The following MYO3A variants were observed in gnomAD, a reference collection of about 807,000 sequenced individuals.
The protein encoded by MYO3A is myosin-IIIa.
A neutral mutation model predicts 192.7 loss-of-function variants in MYO3A; 180 were observed. That is an observed-to-expected ratio of 0.93 (90% CI 0.83 to 1.06). The LOEUF (loss-of-function observed/expected upper bound fraction) is 1.06. MYO3A is among the 50% of genes least tolerant of loss of function. The probability of loss-of-function intolerance (pLI) is 0.00; values close to 1 mark genes in which losing one functional copy is unlikely to be tolerated. For synonymous variants in MYO3A, 628 were observed against 645.3 expected (o/e 0.97, Z 0.41); for missense variants, 1,896 against 1,905.0 (o/e 1.00, Z 0.09).
intron 4 of MYO3A, among the ~76,000 whole-genome samples, chr10:25,992,601 A>T (rs1419421119): frequency 6.6e-6 from 1 of 152,132 alleles, no homozygotes; most frequent in Admixed American, 6.6e-5. Flanking sequence ...TTTCAAAGGG[A>T]ATGCTTCCAG....
chr10:25,964,921 A>G (rs1838166942), intron 4 of MYO3A, among the ~76,000 whole-genome samples: 1 of 152,146 alleles, frequency 6.6e-6, no homozygotes, highest in African/African-American at 2.4e-5. Context: ...TAAATATGTC[A>G]TGCCACTCTC....
At chr10:25,947,039 C>T (rs897356043) in intron 2 of MYO3A, among the ~76,000 whole-genome samples, 4 of 151,800 alleles carry the variant, frequency 2.6e-5, no homozygotes, top group Non-Finnish European at 4.4e-5. Flanking sequence ...CTATCTTGAA[C>T]TCTCATAATG....
chr10:25,944,353 G>T, intron 2 of MYO3A, among the ~76,000 whole-genome samples: 1 of 151,926 alleles, frequency 6.6e-6, no homozygotes, highest in Admixed American at 6.5e-5. Context: ...TTCATCTCCA[G>T]TTTTATTCTC....
At chr10:25,974,444 A>G (rs1171385239) in intron 4 of MYO3A, among the ~76,000 whole-genome samples, 1 of 152,120 alleles carries the variant, frequency 6.6e-6, no homozygotes, top group Non-Finnish European at 1.5e-5. Context: ...ATTTTCCCAC[A>G]CTGTCTCCCA....
At chr10:26,166,297 A>C (rs1841747196) in intron 27 of MYO3A, 119 bp downstream of exon 27, 1 of 879,012 alleles carries the variant, frequency 1.1e-6, no homozygotes, top group Admixed American at 2.0e-5. Flanking sequence ...TATAACTTAC[A>C]ATAGAGGAAG....
chr10:26,095,185 A>G (rs972255552), intron 15 of MYO3A, among the ~76,000 whole-genome samples: 15 of 152,166 alleles, frequency 9.9e-5, no homozygotes, highest in African/African-American at 3.4e-4. Context: ...CTATGGTGGC[A>G]TCCAAAGCTT....
At chr10:26,172,182 G>T (rs1480662104) in intron 29 of MYO3A, among the ~76,000 whole-genome samples, 1 of 152,212 alleles carries the variant, frequency 6.6e-6, no homozygotes, top group Non-Finnish European at 1.5e-5. Flanking sequence ...GAGATCTGCG[G>T]GCCAGCACTC....
chr10:25,991,564 T>C (rs1430618849), intron 4 of MYO3A, among the ~76,000 whole-genome samples: 2 of 152,134 alleles, frequency 1.3e-5, no homozygotes, highest in African/African-American at 4.8e-5. Flanking sequence ...TTGCTTTTGG[T>C]GTTTTAGACA....
intron 10 of MYO3A, among the ~76,000 whole-genome samples, chr10:26,038,242 G>A: frequency 6.6e-6 from 1 of 152,176 alleles, no homozygotes; most frequent in East Asian, 1.9e-4. Context: ...TGTGAAGAAT[G>A]TCATTGATAT....
At chr10:25,936,213 C>T (rs933310214) in intron 2 of MYO3A, among the ~76,000 whole-genome samples, 2 of 151,740 alleles carry the variant, frequency 1.3e-5, no homozygotes, top group African/African-American at 2.4e-5. Context: ...TGTCCTTTTT[C>T]GACTGCATCT....
Position 25,949,737 on chromosome 10 carries a change from A to G in MYO3A, c.-17-2357A>G, listed in dbSNP as rs899612477. 2.1e-3 allele frequency among the ~76,000 whole-genome samples: 312 copies of G among 152,188 alleles called. 1 individual carries two copies. Among genetic ancestry groups the G allele is most frequent in the African/African-American group, 7.2e-3 (298 of 41,544 alleles). On this transcript the variant is annotated intron_variant, in intron 2 of 34. Transcript: ENST00000642920. Reference sequence around the variant, plus strand: ...GCTCTTTATTGTGTTTTGGATTTTCACGTTCTTTTCAGTTCTCCCTAAACC... The same window carrying G: ...GCTCTTTATTGTGTTTTGGATTTTCGCGTTCTTTTCAGTTCTCCCTAAACC...
chr10:26,100,539 T>C lies in MYO3A; in HGVS notation c.1776+3857T>C, dbSNP rs537615627. Among the ~76,000 whole-genome samples the C allele has an allele frequency of 5.9e-5, 9 of 152,340 alleles. No individual in the cohort carries two copies. In the East Asian group the frequency reaches 7.7e-4, roughly 13 times the overall value. ...TCTTTCCTGCTTTCTTTTGTGGGCA[T>C]TTAGTGCTATAAATTTCCCTCTACA... On this transcript the variant is annotated intron_variant, in intron 17 of 34. Coordinates refer to ENST00000642920, the MANE Select transcript of MYO3A (RefSeq NM_017433.5).
chr10:26,207,839 A>C (rs1205616267), intron 34 of MYO3A, among the ~76,000 whole-genome samples: 1 of 152,212 alleles, frequency 6.6e-6, no homozygotes, highest in African/African-American at 2.4e-5. Flanking sequence ...TAGAGATTCC[A>C]TTGAATCTGT....
At chr10:26,136,144 G>A (rs539653721) in intron 20 of MYO3A, among the ~76,000 whole-genome samples, 1 of 152,232 alleles carries the variant, frequency 6.6e-6, no homozygotes, top group South Asian at 2.1e-4. Context: ...AAACCCAGGT[G>A]AATTGCCAGT....
chr10:26,099,299 G>A (rs551969127), intron 17 of MYO3A, among the ~76,000 whole-genome samples: 1 of 152,210 alleles, frequency 6.6e-6, no homozygotes, highest in African/African-American at 2.4e-5. Flanking sequence ...ATCAGCTTAA[G>A]CAGATTTTGG....
intron 10 of MYO3A, among the ~76,000 whole-genome samples, chr10:26,035,045 A>G (rs1467349002): frequency 6.6e-6 from 1 of 152,062 alleles, no homozygotes. Context: ...TGTCCCTGTC[A>G]GTGCTAGAAG....
chr10:26,047,970 A>G (rs971653244), intron 10 of MYO3A, among the ~76,000 whole-genome samples: 2 of 152,150 alleles, frequency 1.3e-5, no homozygotes, highest in South Asian at 4.1e-4. Flanking sequence ...CACATTTTTA[A>G]TACTCTAAAT....
intron 30 of MYO3A, among the ~76,000 whole-genome samples, chr10:26,175,003 A>G (rs750488911): frequency 2.6e-5 from 4 of 152,262 alleles, no homozygotes; most frequent in Non-Finnish European, 5.9e-5. Flanking sequence ...AAGCATATAC[A>G]GTGAAGATGA....
intron 4 of MYO3A, among the ~76,000 whole-genome samples, chr10:25,980,703 A>G (rs1839275865): frequency 6.6e-6 from 1 of 152,178 alleles, no homozygotes; most frequent in Non-Finnish European, 1.5e-5. Context: ...GGTGTTAGCA[A>G]CTGTGTTTTT....
Sources: allele counts gnomAD v4.1 joint callset (sites outside exome capture counted in the v4.1 genomes callset), GRCh38; gene constraint gnomAD v4.1.1; transcripts MANE v1.5; gene names NCBI Gene and HGNC (gene_info 2026-07-23, HGNC 2026-07-21).